Variants in MAN2A1 observed in about 807,000 individuals in gnomAD.
The protein encoded by MAN2A1 is alpha-mannosidase 2.
Under a neutral mutation model 142.6 loss-of-function variants are expected in MAN2A1, and 76 were observed. That is an observed-to-expected ratio of 0.53 (90% CI 0.44 to 0.65). The LOEUF (loss-of-function observed/expected upper bound fraction) is 0.65, where lower values mean the gene tolerates loss of function less well. Among genes scored for constraint, MAN2A1 ranks in the 30% least tolerant of loss-of-function variants. The pLI, the probability that MAN2A1 is intolerant of heterozygous loss-of-function variation, is 0.00. For synonymous variants in MAN2A1, 559 were observed against 473.2 expected (o/e 1.18, Z -2.35); for missense variants, 1,311 against 1,365.1 (o/e 0.96, Z 0.62).
intron 7 of MAN2A1, 49 bp downstream of exon 7, chr5:109,770,590 C>A: frequency 6.5e-7 from 1 of 1,536,734 alleles, no homozygotes; most frequent in Non-Finnish European, 8.9e-7. Flanking sequence ...AAAGTAGCCA[C>A]TTAGCTGCTA....
At chr5:109,794,571 G>T (rs1451118192) in intron 12 of MAN2A1, among the ~76,000 whole-genome samples, 1 of 152,058 alleles carries the variant, frequency 6.6e-6, no homozygotes. Context: ...TCCAGCTTCT[G>T]TTATTTTGAG....
chr5:109,697,171 TTGTC>T (rs1251022478), intron 1 of MAN2A1, among the ~76,000 whole-genome samples: 2 of 152,204 alleles, frequency 1.3e-5, no homozygotes, highest in African/African-American at 4.8e-5. Flanking sequence ...AGTATAAAAA[TTGTC>T]TGCAAAAATG....
chr5:109,758,021 G>A (rs1310113339), intron 5 of MAN2A1, among the ~76,000 whole-genome samples: 3 of 152,060 alleles, frequency 2.0e-5, no homozygotes, highest in Non-Finnish European at 4.4e-5. Flanking sequence ...AAAAGTTTTT[G>A]TGTGACTCTA....
intron 13 of MAN2A1, among the ~76,000 whole-genome samples, chr5:109,819,455 T>C (rs974020428): frequency 6.6e-6 from 1 of 152,250 alleles, no homozygotes; most frequent in East Asian, 1.9e-4. Context: ...TACTATAGTT[T>C]TTATTTGTAT....
intron 12 of MAN2A1, among the ~76,000 whole-genome samples, chr5:109,808,454 C>A (rs1191299020): frequency 6.6e-6 from 1 of 151,802 alleles, no homozygotes; most frequent in African/African-American, 2.4e-5. Flanking sequence ...TCAGAATATT[C>A]TTTTGTATTT....
At chr5:109,700,160 T>G (rs1333390832) in intron 1 of MAN2A1, among the ~76,000 whole-genome samples, 1 of 152,164 alleles carries the variant, frequency 6.6e-6, no homozygotes, top group Non-Finnish European at 1.5e-5. Context: ...TCAGAGGAAA[T>G]AGAAGTTATT....
chr5:109,777,321 A>C (rs1275874070), intron 8 of MAN2A1, among the ~76,000 whole-genome samples: 1 of 151,970 alleles, frequency 6.6e-6, no homozygotes, highest in Non-Finnish European at 1.5e-5. Flanking sequence ...GTGGTTAATG[A>C]GGTTGAGTCT....
Position 109,817,412 on chromosome 5 carries a change from A to G in MAN2A1, c.2083A>G (p.Asn695Asp), listed in dbSNP as rs142892263. Reference sequence around the variant, plus strand: ...AGTCAGCGCAGTTTGGGATACAGCAAATACTATTTCAGAAACAGCCTATGA... The same window carrying G: ...AGTCAGCGCAGTTTGGGATACAGCAGATACTATTTCAGAAACAGCCTATGA... ...VQVSAVWDTANTISETAYEIS... is the reference protein window; with the variant it reads ...VQVSAVWDTADTISETAYEIS... Residue 695 changes from asparagine (N) to aspartate (D), a missense_variant, in exon 13 of 22, where the codon AAT (asparagine) becomes GAT (aspartate). This residue lies in a region of MAN2A1 where 890 missense variants were observed against 920.5 expected (regional missense o/e 0.97). Transcript: ENST00000261483. The G allele has an allele frequency of 3.1e-6, 5 of 1,614,076 alleles. No homozygotes were observed. The highest frequency in any genetic ancestry group is 2.2e-5 in the East Asian group (1 of 44,876).
chr5:109,824,432 T>C (rs1754707223), intron 16 of MAN2A1, among the ~76,000 whole-genome samples: 2 of 152,174 alleles, frequency 1.3e-5, no homozygotes, highest in South Asian at 4.1e-4. Context: ...TTCCATGGGG[T>C]CTGAGTGGAG....
At chr5:109,851,683 T>A (rs944309168) in intron 19 of MAN2A1, among the ~76,000 whole-genome samples, 1 of 152,126 alleles carries the variant, frequency 6.6e-6, no homozygotes, top group African/African-American at 2.4e-5. Flanking sequence ...GAAAATGGAC[T>A]AAAAACAGGC....
chr5:109,842,764 G>A (rs1235734238), intron 17 of MAN2A1, among the ~76,000 whole-genome samples: 1 of 146,518 alleles, frequency 6.8e-6, no homozygotes, highest in East Asian at 2.1e-4. Flanking sequence ...TTATCTACCA[G>A]AAAGGAAACA....
chr5:109,703,659 TAAAG>T (rs1264292864), intron 1 of MAN2A1, among the ~76,000 whole-genome samples: 1 of 152,186 alleles, frequency 6.6e-6, no homozygotes, highest in Non-Finnish European at 1.5e-5. Flanking sequence ...AGTGCTGAAT[TAAAG>T]AAAGAGTTCT....
intron 5 of MAN2A1, among the ~76,000 whole-genome samples, chr5:109,760,692 C>G (rs55856939): frequency 0.085 from 12,914 of 152,186 alleles, 654 homozygotes; most frequent in African/African-American, 0.15. Context: ...GAGATGGTAT[C>G]TCATTGTGGT....
At chr5:109,709,880 A>G (rs1268794879) in intron 1 of MAN2A1, among the ~76,000 whole-genome samples, 1 of 152,158 alleles carries the variant, frequency 6.6e-6, no homozygotes, top group Non-Finnish European at 1.5e-5. Flanking sequence ...TGTCTTTTTC[A>G]ATGTTACTAT....
intron 12 of MAN2A1, among the ~76,000 whole-genome samples, chr5:109,798,528 G>T (rs937205139): frequency 9.9e-5 from 15 of 152,144 alleles, no homozygotes; most frequent in Non-Finnish European, 1.6e-4. Flanking sequence ...GACCAGATAT[G>T]ACAGTTTTTT....
chr5:109,776,304 C>T (rs1011353470), intron 8 of MAN2A1, among the ~76,000 whole-genome samples: 1 of 151,842 alleles, frequency 6.6e-6, no homozygotes, highest in Non-Finnish European at 1.5e-5. Context: ...ATAAATAAAC[C>T]TAATAAAATA....
At chr5:109,718,655 C>G (rs564375472) in intron 3 of MAN2A1, among the ~76,000 whole-genome samples, 1 of 152,292 alleles carries the variant, frequency 6.6e-6, no homozygotes, top group Admixed American at 6.5e-5. Flanking sequence ...TCTCAAAGCC[C>G]CTCCACCACA....
chr5:109,722,050 T>C (rs1751618557), intron 3 of MAN2A1, among the ~76,000 whole-genome samples: 1 of 152,192 alleles, frequency 6.6e-6, no homozygotes, highest in East Asian at 1.9e-4. Flanking sequence ...AGGTTTGAAA[T>C]CAAGTGATCT....
intron 4 of MAN2A1, among the ~76,000 whole-genome samples, chr5:109,752,596 T>TG (rs982870609): frequency 7.5e-4 from 114 of 152,156 alleles, no homozygotes; most frequent in Admixed American, 6.3e-3. Flanking sequence ...ATAGATAGAA[T>TG]GGGGGGTACA....
Sources: allele counts gnomAD v4.1 joint callset (sites outside exome capture counted in the v4.1 genomes callset), GRCh38; gene constraint gnomAD v4.1.1; regional missense constraint gnomAD v4.1.1; transcripts MANE v1.5; gene names NCBI Gene and HGNC (gene_info 2026-07-23, HGNC 2026-07-21).